The following PACRG variants were observed in gnomAD, a reference collection of about 807,000 sequenced individuals.
PACRG encodes parkin coregulated.
A neutral mutation model predicts 29.7 loss-of-function variants in PACRG; 29 were observed. The observed-to-expected ratio is 0.98, with a 90% CI of 0.73 to 1.33. The LOEUF is 1.33. Ranked by LOEUF, PACRG falls within the 40% of genes most tolerant of loss-of-function variation. PACRG has a pLI of 0.00. For synonymous variants in PACRG, 116 were observed against 118.7 expected (o/e 0.98, Z 0.15); for missense variants, 279 against 316.2 (o/e 0.88, Z 0.89).
chr6:162,755,704 T>G (rs575996589), intron 1 of PACRG, among the ~76,000 whole-genome samples: 1 of 152,346 alleles, frequency 6.6e-6, no homozygotes, highest in East Asian at 1.9e-4. Flanking sequence ...CCCAAAGTTC[T>G]GGGATTACAG....
At chr6:163,285,034 G>A (rs1288465077) in intron 4 of PACRG, among the ~76,000 whole-genome samples, 1 of 152,114 alleles carries the variant, frequency 6.6e-6, no homozygotes, top group East Asian at 1.9e-4. Flanking sequence ...CAGCAGCCTC[G>A]ACTCAAAATC....
At chr6:163,131,315 C>CAAA (rs55958953) in intron 4 of PACRG, among the ~76,000 whole-genome samples, 209 of 136,158 alleles carry the variant, frequency 1.5e-3, no homozygotes, top group African/African-American at 2.3e-3. Flanking sequence ...CTGTCTCAAA[C>CAAA]AAAAAAAAAA....
intron 4 of PACRG, among the ~76,000 whole-genome samples, chr6:163,232,036 T>C (rs1313309758): frequency 6.6e-6 from 1 of 152,230 alleles, no homozygotes; most frequent in African/African-American, 2.4e-5. Context: ...AATAAGCTAC[T>C]TCTGAAGATG....
rs192204720 is a variant in PACRG, at chr6:163,180,519, C to T, written c.613+91111C>T. Among the ~76,000 whole-genome samples the T allele has an allele frequency of 1.8e-4, 28 of 152,038 alleles. No homozygotes were observed. The East Asian group carries it at 5.4e-3, about 29-fold the overall frequency. ...GCTCACACTTGTCATCCCAGCACTT[C>T]GGGAGGCTGAGGCAGGAGGATCGCT... On this transcript the variant is annotated intron_variant, in intron 4 of 4. Transcript: ENST00000366888.
chr6:162,994,633 T>G (rs1382551630), intron 2 of PACRG, among the ~76,000 whole-genome samples: 14 of 147,840 alleles, frequency 9.5e-5, no homozygotes, highest in African/African-American at 3.4e-4. Flanking sequence ...ATTCTAGTTA[T>G]ACATTCTTCT....
At chr6:162,888,356 C>T (rs1345662375) in intron 2 of PACRG, among the ~76,000 whole-genome samples, 2 of 152,126 alleles carry the variant, frequency 1.3e-5, no homozygotes, top group African/African-American at 2.4e-5. Flanking sequence ...GACATGAGGC[C>T]TCCTGCTGGA....
At chr6:162,852,213 GTTTTTTTGTGATCAGCTTCCCCCAGA>G (rs1790976001) in intron 2 of PACRG, among the ~76,000 whole-genome samples, 1 of 152,184 alleles carries the variant, frequency 6.6e-6, no homozygotes, top group Admixed American at 6.5e-5. Context: ...ATTCAATCCA[GTTTTTTTGTGATCAGCTTCCCCCAGA>G]ACTGGTGATT....
At chr6:162,782,399 A>G (rs1011654616) in intron 1 of PACRG, among the ~76,000 whole-genome samples, 1 of 151,924 alleles carries the variant, frequency 6.6e-6, no homozygotes, top group African/African-American at 2.4e-5. Flanking sequence ...TATTTTTGGA[A>G]TTGAACAATT....
intron 2 of PACRG, among the ~76,000 whole-genome samples, chr6:162,892,902 CAGAGAACCACCTCAGCCTCA>C: frequency 7.2e-6 from 1 of 138,920 alleles, no homozygotes; most frequent in Middle Eastern, 3.6e-3. Flanking sequence ...GCCCACACCC[CAGAGAACCACCTCAGCCTCA>C]GGAGCCTCGG....
chr6:162,948,793 G>A lies in PACRG; in HGVS notation c.292-113357G>A, dbSNP rs953147940. 6.6e-5 allele frequency among the ~76,000 whole-genome samples: 10 copies of A among 152,028 alleles called. No individual in the cohort carries two copies. The East Asian group carries it at 1.7e-3, about 26-fold the overall frequency. ...CAAGAAGTATATAAAAATGCTCAAC[G>A]TCACTAAGTATTGGGGAAATGCAAA... On this transcript the variant is annotated intron_variant, in intron 2 of 4. Coordinates refer to ENST00000366888, the MANE Select transcript of PACRG (RefSeq NM_001080379.2).
chr6:163,075,147 C>T (rs946786285), intron 3 of PACRG, among the ~76,000 whole-genome samples: 1 of 152,102 alleles, frequency 6.6e-6, no homozygotes, highest in Non-Finnish European at 1.5e-5. Flanking sequence ...TTGAATTGTT[C>T]ATGAAATGAT....
chr6:163,111,921 G>T, intron 4 of PACRG: 1 of 264,562 alleles, frequency 3.8e-6, no homozygotes, highest in Non-Finnish European at 5.8e-6. Context: ...TGCCTGAGGG[G>T]CACTCATTTT....
At chr6:163,047,258 C>T (rs542580403) in intron 2 of PACRG, among the ~76,000 whole-genome samples, 41 of 152,306 alleles carry the variant, frequency 2.7e-4, no homozygotes, top group Non-Finnish European at 4.3e-4. Context: ...TACAGTTATT[C>T]TCCCTCTACC....
At chr6:163,287,501 C>A (rs1249535755) in intron 4 of PACRG, among the ~76,000 whole-genome samples, 1 of 152,170 alleles carries the variant, frequency 6.6e-6, no homozygotes, top group Non-Finnish European at 1.5e-5. Flanking sequence ...CCTCACAGCC[C>A]GCAGGATCTG....
chr6:162,781,160 A>G (rs1010185114), intron 1 of PACRG, among the ~76,000 whole-genome samples: 3 of 152,108 alleles, frequency 2.0e-5, no homozygotes, highest in African/African-American at 7.2e-5. Flanking sequence ...GACACAATGT[A>G]AATAAAGGAA....
At chr6:163,176,000 A>T (rs1779340433) in intron 4 of PACRG, among the ~76,000 whole-genome samples, 1 of 152,130 alleles carries the variant, frequency 6.6e-6, no homozygotes, top group Admixed American at 6.5e-5. Flanking sequence ...CTGTTTATTT[A>T]TCTAGTTCAG....
At chr6:162,950,657 A>G (rs1584847489) in intron 2 of PACRG, among the ~76,000 whole-genome samples, 1 of 152,340 alleles carries the variant, frequency 6.6e-6, no homozygotes, top group East Asian at 1.9e-4. Flanking sequence ...TTTAAAGCAT[A>G]TTAATCCTTT....
chr6:163,251,171 G>T (rs1585371673), intron 4 of PACRG, among the ~76,000 whole-genome samples: 1 of 152,020 alleles, frequency 6.6e-6, no homozygotes, highest in East Asian at 1.9e-4. Context: ...TACTGCTCGG[G>T]TGATGTGTGC....
intron 2 of PACRG, among the ~76,000 whole-genome samples, chr6:162,989,699 G>A (rs996028576): frequency 1.9e-4 from 28 of 151,256 alleles, no homozygotes; most frequent in Admixed American, 1.5e-3. Flanking sequence ...CAGATATGGA[G>A]GGCTGACTGT....
Sources: gnomAD v4.1 joint callset for allele counts (sites outside exome capture counted in the v4.1 genomes callset) on GRCh38, gnomAD v4.1.1 for gene constraint, MANE v1.5 for transcripts, NCBI Gene and HGNC (gene_info 2026-07-23, HGNC 2026-07-21) for gene names.